PSD3: variants seen among roughly 807,000 people sequenced by gnomAD.
The protein encoded by PSD3 is pleckstrin and Sec7 domain containing 3, also known as PH and SEC7 domain-containing protein 3.
Under a neutral mutation model 105.5 loss-of-function variants are expected in PSD3, and 49 were observed. The observed-to-expected ratio is 0.46, with a 90% confidence interval of 0.37 to 0.59. PSD3 has a LOEUF of 0.59. Ranked by LOEUF, PSD3 falls within the 20% of genes least tolerant of loss-of-function variation. The probability of loss-of-function intolerance (pLI) is 0.00; values close to 1 mark genes in which losing one functional copy is unlikely to be tolerated. For missense variants in PSD3, 1,561 were observed against 1,263.8 expected (o/e 1.24, Z -3.57); for synonymous variants, 557 against 457.8 (o/e 1.22, Z -2.77).
chr8:18,575,010 T>C (rs972377952), intron 13 of PSD3, 118 bp downstream of exon 13: 91 of 1,050,808 alleles, frequency 8.7e-5, no homozygotes, highest in Non-Finnish European at 3.0e-5. Context: ...TGTAAGCAGT[T>C]GATGACTTTG....
chr8:18,616,623 C>CTTTTTTTTTT (rs1215460486), intron 11 of PSD3, among the ~76,000 whole-genome samples: 3 of 98,502 alleles, frequency 3.0e-5, no homozygotes, highest in East Asian at 2.8e-4. Context: ...CCTCTCTTTT[C>CTTTTTTTTTT]TTTTCTTTTT....
At chr8:18,793,162 C>T (rs1345503773) in intron 8 of PSD3, among the ~76,000 whole-genome samples, 1 of 152,022 alleles carries the variant, frequency 6.6e-6, no homozygotes, top group African/African-American at 2.4e-5. Context: ...ACATTGCACA[C>T]CCCCTGTCGT....
chr8:18,546,736 T>G (rs1432630407), intron 15 of PSD3, among the ~76,000 whole-genome samples: 8 of 152,214 alleles, frequency 5.3e-5, no homozygotes, highest in Admixed American at 5.2e-4. Flanking sequence ...CCAGAACTTA[T>G]GCATCTTATG....
At chr8:18,832,318 CTTT>C (rs34335110) in intron 4 of PSD3, among the ~76,000 whole-genome samples, 2 of 148,990 alleles carry the variant, frequency 1.3e-5, no homozygotes, top group African/African-American at 4.9e-5. Context: ...TATAAAACTG[CTTT>C]TTTTTTTCAA....
chr8:18,704,195 C>G (rs889434574), intron 9 of PSD3, among the ~76,000 whole-genome samples: 2 of 152,116 alleles, frequency 1.3e-5, no homozygotes, highest in Non-Finnish European at 2.9e-5. Context: ...TTCACACAAC[C>G]CTTTACTGAA....
chr8:19,058,810 C>G (rs1006220102), intron 1 of PSD3, among the ~76,000 whole-genome samples: 1 of 152,106 alleles, frequency 6.6e-6, no homozygotes, highest in African/African-American at 2.4e-5. Flanking sequence ...AGGGAGCCAT[C>G]ACGTGGAGCA....
chr8:18,830,093 G>A (rs567892538), intron 4 of PSD3, among the ~76,000 whole-genome samples: 53 of 152,022 alleles, frequency 3.5e-4, no homozygotes, highest in Non-Finnish European at 6.2e-4. Context: ...TCAGCCTCCC[G>A]AGTAGCTGGG....
intron 10 of PSD3, among the ~76,000 whole-genome samples, chr8:18,641,366 C>G (rs1353608742): frequency 3.3e-5 from 5 of 152,092 alleles, no homozygotes; most frequent in Non-Finnish European, 1.5e-5. Context: ...GCTAGGCAGT[C>G]CTGATATCAT....
At chr8:19,057,836 G>T (rs924959400) in intron 1 of PSD3, among the ~76,000 whole-genome samples, 2 of 152,150 alleles carry the variant, frequency 1.3e-5, no homozygotes, top group African/African-American at 4.8e-5. Flanking sequence ...ATACATTGCT[G>T]GTGGGCGTGC....
intron 2 of PSD3, among the ~76,000 whole-genome samples, chr8:18,882,883 A>C (rs1341394827): frequency 6.6e-6 from 1 of 151,976 alleles, no homozygotes; most frequent in East Asian, 1.9e-4. Flanking sequence ...ACACACACAG[A>C]TATCCATATA....
intron 8 of PSD3, among the ~76,000 whole-genome samples, chr8:18,781,150 T>C (rs12677280): frequency 0.1 from 15,865 of 152,174 alleles, 1,680 homozygotes; most frequent in East Asian, 0.48. Flanking sequence ...GTTGATTTCT[T>C]ATTAACCCCA....
At chr8:18,861,182 G>A (rs1394648942) in intron 4 of PSD3, among the ~76,000 whole-genome samples, 2 of 152,184 alleles carry the variant, frequency 1.3e-5, no homozygotes, top group East Asian at 3.9e-4. Context: ...CCAATGACCA[G>A]TGCACTTAGC....
At chr8:18,971,289 G>T (rs929545577) in intron 1 of PSD3, among the ~76,000 whole-genome samples, 1 of 152,176 alleles carries the variant, frequency 6.6e-6, no homozygotes, top group Non-Finnish European at 1.5e-5. Flanking sequence ...AACAAGCAGG[G>T]CAAAGCTCAG....
intron 2 of PSD3, among the ~76,000 whole-genome samples, chr8:18,913,593 G>A (rs1042202587): frequency 1.3e-5 from 2 of 151,892 alleles, no homozygotes; most frequent in African/African-American, 4.8e-5. Flanking sequence ...CAGACCCTGG[G>A]GCCACACAAG....
chr8:18,675,805 A>G (rs2130928894), intron 9 of PSD3, among the ~76,000 whole-genome samples: 1 of 152,334 alleles, frequency 6.6e-6, no homozygotes, highest in South Asian at 2.1e-4. Context: ...AATTAATATC[A>G]TAAATTAACA....
Position 18,556,414 on chromosome 8 carries a change from G to C in PSD3, c.2785-62C>G, listed in dbSNP as rs1171282008. 6 of 1,523,972 alleles carry C rather than the reference G, an allele frequency of 3.9e-6. No individual in the cohort carries two copies. The East Asian group carries it at 1.4e-4, about 35-fold the overall frequency. 94.4% of individuals were successfully genotyped at this position (1,523,972 alleles called of 1,614,324 possible). A position where few individuals can be genotyped will look rare whatever the true frequency, so the allele number is the denominator to read the frequency against. On this transcript the variant is annotated intron_variant, in intron 14 of 15. Transcript: ENST00000327040. The stretch of plus-strand genomic sequence containing the variant: ...AAAAACAAGTCAATAACAAAGCACA[G>C]CATACTTTAAAAAATCCCCTGTGCT...
intron 1 of PSD3, among the ~76,000 whole-genome samples, chr8:18,993,238 G>A (rs191063338): frequency 2.0e-5 from 3 of 152,228 alleles, no homozygotes; most frequent in Admixed American, 6.5e-5. Flanking sequence ...ACACTTACTG[G>A]TAACTATTAC....
intron 4 of PSD3, among the ~76,000 whole-genome samples, chr8:18,832,618 A>G (rs1813768244): frequency 6.6e-6 from 1 of 151,622 alleles, no homozygotes; most frequent in African/African-American, 2.4e-5. Context: ...TGGTCAACAT[A>G]TTAGTCCATT....
At chr8:18,666,403 G>C (rs568817936) in intron 9 of PSD3, among the ~76,000 whole-genome samples, 1 of 152,288 alleles carries the variant, frequency 6.6e-6, no homozygotes, top group Admixed American at 6.5e-5. Context: ...CCTGTGGCTT[G>C]CTTTATCGCG....
Sources: allele counts gnomAD v4.1 joint callset (sites outside exome capture counted in the v4.1 genomes callset), GRCh38; gene constraint gnomAD v4.1.1; transcripts MANE v1.5; gene names NCBI Gene and HGNC (gene_info 2026-07-23, HGNC 2026-07-21).